Variants in PTPRT observed in about 807,000 individuals in gnomAD.
PTPRT encodes protein tyrosine phosphatase receptor type T.
A neutral mutation model predicts 176.8 loss-of-function variants in PTPRT; 56 were observed. The ratio of observed to expected loss-of-function variants is 0.32; its 90% confidence interval spans 0.26 to 0.40. The LOEUF (loss-of-function observed/expected upper bound fraction) is 0.40, where lower values mean the gene tolerates loss of function less well. PTPRT is among the 10% of genes least tolerant of loss of function. The pLI is 1.00. For missense variants in PTPRT, 1,540 were observed against 1,908.2 expected, an observed-to-expected ratio of 0.81 and a Z score of 3.60; for synonymous variants, 783 against 739.0, an observed-to-expected ratio of 1.06 and a Z score of -0.96.
rs1568834816 is a variant in PTPRT, at chr20:43,188,762, G to GGGGC, written c.88+883_88+884insGCCC. 6.5e-4 allele frequency among the ~76,000 whole-genome samples: 84 copies of GGGGC among 129,140 alleles called. 3 individuals carry two copies. The highest frequency in any genetic ancestry group is 7.8e-4 in the Non-Finnish European group (46 of 58,606). The allele number at this position is 129,140 out of a possible 152,430, so 84.7% of individuals were successfully genotyped here. A position where few individuals can be genotyped will look rare whatever the true frequency, so the allele number is the denominator to read the frequency against. Reference sequence around the variant, plus strand: ...CGCCGCTACTCTTGGGGGGGGGGGGGCTCGGGGGTGGAAGCTGCCTGCGGT... The same window carrying GGGGC: ...CGCCGCTACTCTTGGGGGGGGGGGGGGGGCCTCGGGGGTGGAAGCTGCCTGCGGT... On this transcript the variant is annotated intron_variant, in intron 1 of 30. Coordinates refer to ENST00000373187, the MANE Select transcript of PTPRT (RefSeq NM_007050.6).
chr20:42,787,101 C>T (rs975658423), intron 3 of PTPRT, among the ~76,000 whole-genome samples: 4 of 152,156 alleles, frequency 2.6e-5, no homozygotes, highest in Non-Finnish European at 4.4e-5. Flanking sequence ...AATTGTATGG[C>T]TTGTAAAGAC....
At chr20:42,940,801 G>C (rs554345616) in intron 1 of PTPRT, among the ~76,000 whole-genome samples, 45 of 152,246 alleles carry the variant, frequency 3.0e-4, no homozygotes, top group African/African-American at 1.1e-3. Context: ...TAGGATTTCA[G>C]CTGGGTGCGG....
chr20:42,658,212 T>C (rs2075161336), intron 7 of PTPRT, among the ~76,000 whole-genome samples: 1 of 152,220 alleles, frequency 6.6e-6, no homozygotes, highest in African/African-American at 2.4e-5. Context: ...ATATAGAACC[T>C]TGTTTATGTA....
chr20:42,652,615 A>G (rs2061489727), intron 7 of PTPRT, among the ~76,000 whole-genome samples: 1 of 152,094 alleles, frequency 6.6e-6, no homozygotes, highest in Non-Finnish European at 1.5e-5. Context: ...AATCCTACTC[A>G]TCACATTCCT....
intron 17 of PTPRT, among the ~76,000 whole-genome samples, chr20:42,143,064 G>T (rs140263656): frequency 4.6e-5 from 7 of 152,330 alleles, no homozygotes; most frequent in African/African-American, 1.4e-4. Context: ...ATCTAGAGCG[G>T]ATGGGGGAGT....
intron 9 of PTPRT, among the ~76,000 whole-genome samples, chr20:42,356,430 C>T (rs570694569): frequency 4.6e-5 from 7 of 152,110 alleles, no homozygotes; most frequent in Admixed American, 6.5e-5. Context: ...CACAGTGGCT[C>T]GCACCTGTAA....
intron 12 of PTPRT, among the ~76,000 whole-genome samples, chr20:42,308,236 T>C (rs746664561): frequency 1.4e-4 from 22 of 152,120 alleles, no homozygotes; most frequent in Non-Finnish European, 2.9e-4. Flanking sequence ...TCCTTAACTT[T>C]CCTAATAAAC....
intron 1 of PTPRT, among the ~76,000 whole-genome samples, chr20:42,993,580 A>ACATAT (rs1568722811): frequency 9.5e-5 from 14 of 148,028 alleles, no homozygotes; most frequent in South Asian, 2.1e-4. Flanking sequence ...ATATATATAC[A>ACATAT]ATCTGCCATA....
At chr20:42,478,300 T>C (rs2071326035) in intron 7 of PTPRT, among the ~76,000 whole-genome samples, 1 of 152,210 alleles carries the variant, frequency 6.6e-6, no homozygotes, top group Non-Finnish European at 1.5e-5. Flanking sequence ...CTTGTGTTCA[T>C]GCATGTGTGA....
At chr20:42,632,593 T>A (rs1047879308) in intron 7 of PTPRT, among the ~76,000 whole-genome samples, 2 of 151,466 alleles carry the variant, frequency 1.3e-5, no homozygotes. Context: ...TTATCTATAT[T>A]TACTATGTTT....
intron 13 of PTPRT, among the ~76,000 whole-genome samples, chr20:42,274,496 T>G (rs1427403440): frequency 6.6e-6 from 1 of 151,640 alleles, no homozygotes; most frequent in Non-Finnish European, 1.5e-5. Flanking sequence ...GTTTTGAGGA[T>G]TCATTACCCT....
At chr20:43,062,320 C>T (rs972028841) in intron 1 of PTPRT, among the ~76,000 whole-genome samples, 17 of 152,188 alleles carry the variant, frequency 1.1e-4, no homozygotes, top group African/African-American at 4.1e-4. Context: ...TTTGTCTTTT[C>T]CTGGCTGGGT....
chr20:42,880,444 G>A (rs2078997483), intron 2 of PTPRT, among the ~76,000 whole-genome samples: 2 of 152,176 alleles, frequency 1.3e-5, no homozygotes, highest in Admixed American at 1.3e-4. Context: ...TTAAAAGAAT[G>A]TCCTACAAGT....
At chr20:42,143,247 G>A (rs1988709504) in intron 17 of PTPRT, among the ~76,000 whole-genome samples, 1 of 152,144 alleles carries the variant, frequency 6.6e-6, no homozygotes, top group African/African-American at 2.4e-5. Context: ...GAGGAAGCAG[G>A]GAGATCTGCT....
At chr20:42,869,482 T>C (rs1257690519) in intron 2 of PTPRT, among the ~76,000 whole-genome samples, 2 of 152,248 alleles carry the variant, frequency 1.3e-5, no homozygotes, top group East Asian at 1.9e-4. Context: ...TTGTGTTTTA[T>C]ACTTACTTGG....
chr20:42,897,322 G>A (rs208208), intron 1 of PTPRT, among the ~76,000 whole-genome samples: 5,384 of 152,234 alleles, frequency 0.035, 240 homozygotes, highest in African/African-American at 0.099. Context: ...TTCTTTTTCT[G>A]TGAGACTTTG....
chr20:42,927,028 A>G lies in PTPRT; in HGVS notation c.89-41096T>C, dbSNP rs1199088272. On this transcript the variant is annotated intron_variant, in intron 1 of 30. Transcript: ENST00000373187. ...CTCAGCAGCCATAGAAGCTAAAACA[A>G]CATGGGTTGGGATGTGCAGGTGGGG... Among the ~76,000 whole-genome samples the G allele has an allele frequency of 2.0e-5, 3 of 152,210 alleles. No individual in the cohort carries two copies. In the South Asian group the frequency reaches 6.2e-4, roughly 32 times the overall value.
At chr20:42,151,364 A>G (rs999352841) in intron 17 of PTPRT, among the ~76,000 whole-genome samples, 1 of 151,674 alleles carries the variant, frequency 6.6e-6, no homozygotes, top group African/African-American at 2.4e-5. Flanking sequence ...ATGTGTCCTC[A>G]TTGTTCAACT....
At chr20:42,782,675 A>G (rs1396490644) in intron 3 of PTPRT, among the ~76,000 whole-genome samples, 1 of 152,252 alleles carries the variant, frequency 6.6e-6, no homozygotes, top group African/African-American at 2.4e-5. Context: ...GCTATAAGAT[A>G]AACACCTAAA....
Sources: gnomAD v4.1 joint callset for allele counts (sites outside exome capture counted in the v4.1 genomes callset) on GRCh38, gnomAD v4.1.1 for gene constraint, MANE v1.5 for transcripts, NCBI Gene and HGNC (gene_info 2026-07-23, HGNC 2026-07-21) for gene names.